The following NEBL variants were observed in gnomAD, a reference collection of about 807,000 sequenced individuals.
NEBL encodes LIM and SH3 protein 2.
In NEBL, 122 loss-of-function variants were observed where a neutral mutation model predicts 140.2. The observed-to-expected ratio is 0.87, with a 90% CI of 0.75 to 1.01. NEBL has a LOEUF of 1.01. Among genes scored for constraint, NEBL ranks in the 50% least tolerant of loss-of-function variants. NEBL has a pLI of 0.00. For synonymous variants in NEBL, 436 were observed against 398.9 expected (o/e 1.09, Z -1.11); for missense variants, 1,365 against 1,231.3 (o/e 1.11, Z -1.62).
At chr10:21,095,799 A>C (rs1837159671) in intron 2 of NEBL, among the ~76,000 whole-genome samples, 1 of 152,190 alleles carries the variant, frequency 6.6e-6, no homozygotes, top group African/African-American at 2.4e-5. Context: ...GACAAGGAAG[A>C]CTTGGGGTTA....
At chr10:20,879,286 A>T (rs1302630054) in intron 5 of NEBL, among the ~76,000 whole-genome samples, 1 of 152,172 alleles carries the variant, frequency 6.6e-6, no homozygotes, top group Non-Finnish European at 1.5e-5. Flanking sequence ...TTTTCATGAG[A>T]ATCGGAAATG....
chr10:20,959,429 G>A (rs1336601245), intron 4 of NEBL, among the ~76,000 whole-genome samples: 3 of 152,080 alleles, frequency 2.0e-5, no homozygotes, highest in Non-Finnish European at 2.9e-5. Context: ...TTGGGTTTTA[G>A]CCAATACTGT....
intron 5 of NEBL, 93 bp from the exon 6 acceptor site, chr10:20,869,934 A>G: frequency 1.1e-6 from 1 of 891,508 alleles, no homozygotes; most frequent in East Asian, 2.6e-5. Context: ...TATTCTCATA[A>G]TAATAGCTTA....
rs794729078 is a variant in NEBL, at chr10:20,831,259, C to A, written c.1608G>T (p.Met536Ile). The change falls in exon 16 of 28, where the codon ATG (methionine) becomes ATT (isoleucine). Residue 536 changes from methionine to isoleucine, a missense_variant. Physicochemically the swap from Met to Ile is conservative, Grantham distance 10. Around this residue, in one of 2 missense-constraint regions of NEBL, gnomAD observed 1,323 missense variants for 1,154.8 expected, o/e 1.15. Transcript: ENST00000377122. ...TATCTGGGATATCCATGCTCACTTG[C>A]ATTCCTTTCCCTTTAATTTCATTTT... ...DLENEIKGKG[M>I]QVSMDIPDIL... 8 of 1,613,378 alleles carry A rather than the reference C, an allele frequency of 5.0e-6. No homozygotes were observed. The highest frequency in any genetic ancestry group is 4.0e-5 in the African/African-American group (3 of 74,914).
intron 1 of NEBL, among the ~76,000 whole-genome samples, chr10:21,288,485 C>T (rs1015592670): frequency 4.2e-5 from 6 of 144,204 alleles, no homozygotes; most frequent in East Asian, 2.2e-4. Context: ...AGAAAAAGCC[C>T]GACGCGGTGG....
At chr10:20,884,853 C>T (rs1460784465) in intron 4 of NEBL, among the ~76,000 whole-genome samples, 1 of 152,186 alleles carries the variant, frequency 6.6e-6, no homozygotes, top group Non-Finnish European at 1.5e-5. Context: ...ATGGCATGGT[C>T]CAGTTCATTT....
chr10:21,225,510 C>T (rs1171536432), intron 3 of NEBL, among the ~76,000 whole-genome samples: 1 of 152,134 alleles, frequency 6.6e-6, no homozygotes, highest in Non-Finnish European at 1.5e-5. Flanking sequence ...TCCAGAGATG[C>T]CATCTGGGAG....
At position 20,782,195 on chromosome 10, in the gene NEBL, A is replaced by T. The variant is rs1427992003; in HGVS notation, c.*3552T>A. ...CCCACTTCCCTACCACAAAAATATC[A>T]ATCATGTGTAATAAAATATTACTAT... On this transcript the variant is annotated 3_prime_UTR_variant, in exon 28 of 28. Coordinates refer to ENST00000377122, the MANE Select transcript of NEBL (RefSeq NM_006393.3). The T allele has an allele frequency of 5.9e-5, 9 of 152,592 alleles. No homozygotes were observed. 9.5% of individuals were successfully genotyped at this position (152,592 alleles called of 1,614,324 possible). A position where few individuals can be genotyped will look rare whatever the true frequency, so the allele number is the denominator to read the frequency against.
chr10:21,047,523 A>G (rs1051209064), intron 2 of NEBL, among the ~76,000 whole-genome samples: 1 of 151,966 alleles, frequency 6.6e-6, no homozygotes, highest in Non-Finnish European at 1.5e-5. Context: ...AACTGCCCCA[A>G]ATGAAGCTTT....
At chr10:21,054,537 G>T (rs371178517) in intron 2 of NEBL, among the ~76,000 whole-genome samples, 20 of 152,280 alleles carry the variant, frequency 1.3e-4, no homozygotes, top group African/African-American at 4.3e-4. Context: ...TCAAGAACAA[G>T]CTTTTTCTGT....
Position 20,812,886 on chromosome 10 carries a change from C to T in NEBL, c.2401G>A (p.Val801Met), listed in dbSNP as rs772136984. The T allele has an allele frequency of 1.8e-5, 29 of 1,613,868 alleles. No individual in the cohort carries two copies. The highest frequency in any genetic ancestry group is 5.0e-5 in the Admixed American group (3 of 59,984). Residue 801 changes from valine (V) to methionine (M), a missense_variant, in exon 24 of 28, where the codon GTG becomes ATG. By Grantham distance (21) the Val-to-Met change is conservative (BLOSUM62 1). Transcript: ENST00000377122. ...KTKGRGFTPV[V>M]DDPVTERVRK... ...ACTCTCTCTGTCACAGGATCGTCCA[C>T]GACGGGAGTAAAGCCTCTCCCCTTT... is the stretch of plus-strand genomic sequence containing the variant.
intron 3 of NEBL, among the ~76,000 whole-genome samples, chr10:21,018,234 T>C (rs1188234358): frequency 6.6e-6 from 1 of 152,234 alleles, no homozygotes; most frequent in African/African-American, 2.4e-5. Flanking sequence ...GAGAAACTAA[T>C]TTTAAATGAT....
chr10:21,088,304 C>G (rs148577673), intron 2 of NEBL, among the ~76,000 whole-genome samples: 2 of 152,218 alleles, frequency 1.3e-5, no homozygotes, highest in African/African-American at 4.8e-5. Context: ...AGGTGGTGAT[C>G]AGTCTGGGCA....
At chr10:21,071,921 C>A (rs1835833991) in intron 2 of NEBL, among the ~76,000 whole-genome samples, 1 of 152,074 alleles carries the variant, frequency 6.6e-6, no homozygotes, top group Non-Finnish European at 1.5e-5. Flanking sequence ...TGGGTTCAAG[C>A]AATTCTCATG....
At chr10:21,225,328 C>T (rs184931086) in intron 3 of NEBL, among the ~76,000 whole-genome samples, 1 of 152,272 alleles carries the variant, frequency 6.6e-6, no homozygotes, top group Non-Finnish European at 1.5e-5. Context: ...TTCCCTAGGT[C>T]AGACCTGAAG....
At chr10:21,199,048 AGGGTCTTG>A (rs1841694050) in intron 3 of NEBL, among the ~76,000 whole-genome samples, 1 of 151,462 alleles carries the variant, frequency 6.6e-6, no homozygotes, top group African/African-American at 2.4e-5. Flanking sequence ...CCTGCACAAC[AGGGTCTTG>A]CTGTGTTGTG....
intron 2 of NEBL, among the ~76,000 whole-genome samples, chr10:21,085,487 T>C (rs1836581558): frequency 6.6e-6 from 1 of 151,904 alleles, no homozygotes; most frequent in Admixed American, 6.6e-5. Context: ...AAAACTTAAT[T>C]AGCCAAGCAT....
chr10:21,120,458 T>C (rs1230442224), intron 2 of NEBL, among the ~76,000 whole-genome samples: 1 of 136,970 alleles, frequency 7.3e-6, no homozygotes, highest in Non-Finnish European at 1.5e-5. Context: ...TTCCCCATCA[T>C]AAAGGTGCAT....
intron 4 of NEBL, among the ~76,000 whole-genome samples, chr10:20,886,250 C>G (rs1012377585): frequency 2.6e-5 from 4 of 151,982 alleles, no homozygotes; most frequent in Non-Finnish European, 5.9e-5. Context: ...AGGTAGGGCG[C>G]AATGGCTCAC....
Sources: allele counts gnomAD v4.1 joint callset (sites outside exome capture counted in the v4.1 genomes callset), GRCh38; gene constraint gnomAD v4.1.1; regional missense constraint gnomAD v4.1.1; transcripts MANE v1.5; gene names NCBI Gene and HGNC (gene_info 2026-07-23, HGNC 2026-07-21).